The following SMC1B variants were observed in gnomAD, a reference collection of about 807,000 sequenced individuals.
The protein encoded by SMC1B is structural maintenance of chromosomes 1B, also known as structural maintenance of chromosomes protein 1B.
In SMC1B, 60 loss-of-function variants were observed where a neutral mutation model predicts 157.9. The ratio of observed to expected loss-of-function variants is 0.38; its 90% CI spans 0.31 to 0.47. The LOEUF (loss-of-function observed/expected upper bound fraction) is 0.47. Among genes scored for constraint, SMC1B ranks in the 20% least tolerant of loss-of-function variants. The pLI is 0.99. For synonymous variants in SMC1B, 445 were observed against 483.0 expected (o/e 0.92, Z 1.03); for missense variants, 1,165 against 1,426.2 (o/e 0.82, Z 2.95).
chr22:45,351,961 T>C (rs534071095), intron 22 of SMC1B, among the ~76,000 whole-genome samples: 2 of 152,252 alleles, frequency 1.3e-5, no homozygotes, highest in African/African-American at 2.4e-5. Context: ...ATCTTGACTA[T>C]TGACTAAGAA....
At chr22:45,403,714 C>A (rs1200131401) in intron 4 of SMC1B, among the ~76,000 whole-genome samples, 1 of 152,162 alleles carries the variant, frequency 6.6e-6, no homozygotes, top group Non-Finnish European at 1.5e-5. Context: ...CCACCTTGGC[C>A]TCCCAAAGTA....
chr22:45,387,440 A>T (rs2087001677), intron 10 of SMC1B, among the ~76,000 whole-genome samples: 1 of 145,798 alleles, frequency 6.9e-6, no homozygotes, highest in African/African-American at 2.7e-5. Context: ...ACAGAGTGAG[A>T]CTCCGTCTCA....
chr22:45,382,337 A>C (rs1175371756), intron 12 of SMC1B, among the ~76,000 whole-genome samples: 2 of 152,264 alleles, frequency 1.3e-5, no homozygotes, highest in Non-Finnish European at 2.9e-5. Context: ...TCTCAAAAAT[A>C]CTAAGCTAAG....
intron 16 of SMC1B, among the ~76,000 whole-genome samples, chr22:45,362,343 CCTGAAACT>C (rs2086729790): frequency 6.6e-6 from 1 of 152,214 alleles, no homozygotes; most frequent in South Asian, 2.1e-4. Flanking sequence ...TTTCCTCCTT[CCTGAAACT>C]CTGGGGCTTC....
intron 12 of SMC1B, 80 bp from the exon 13 acceptor site, chr22:45,372,372 T>G: frequency 8.0e-7 from 1 of 1,257,612 alleles, no homozygotes; most frequent in Non-Finnish European, 1.1e-6. Flanking sequence ...TATGTAATAA[T>G]TCACTGATTT....
chr22:45,361,784 G>C, intron 17 of SMC1B, 55 bp downstream of exon 17: 1 of 1,515,154 alleles, frequency 6.6e-7, no homozygotes, highest in Non-Finnish European at 9.1e-7. Flanking sequence ...CAGATAGTTG[G>C]TGTCCATGTT....
intron 15 of SMC1B, among the ~76,000 whole-genome samples, chr22:45,364,998 C>T (rs902685885): frequency 1.3e-5 from 2 of 151,922 alleles, no homozygotes; most frequent in African/African-American, 4.8e-5. Flanking sequence ...CCACCACGCC[C>T]GGCTAATTTT....
intron 15 of SMC1B, among the ~76,000 whole-genome samples, chr22:45,364,261 T>C (rs1569179653): frequency 6.6e-6 from 1 of 152,156 alleles, no homozygotes; most frequent in Admixed American, 6.6e-5. Context: ...ATCCTTTCCA[T>C]GCTCACCCTG....
rs1353068447 is a variant in SMC1B at position 45,393,817 on chromosome 22, C to T, written c.1362G>A (p.Gln454=). The T allele has an allele frequency of 2.8e-5, 45 of 1,610,562 alleles. No homozygotes were observed. Among genetic ancestry groups the T allele is most frequent in the Non-Finnish European group, 3.6e-5 (42 of 1,178,224 alleles). The change falls in exon 9 of 25, where the codon CAG becomes CAA. Residue 454 remains glutamine (Q), a synonymous_variant. Transcript: ENST00000357450. ...TCMDCLKEKK[Q]QEETLVDEIE... ...TTTCATCCACTAGGGTTTCCTCTTG[C>T]TGTTTTTTCTCTTTCAAGCAATCCC...
At chr22:45,388,489 G>A (rs1246037623) in intron 10 of SMC1B, among the ~76,000 whole-genome samples, 1 of 152,154 alleles carries the variant, frequency 6.6e-6, no homozygotes, top group African/African-American at 2.4e-5. Flanking sequence ...GAGTTTTAGT[G>A]AGCAGAAGGT....
chr22:45,388,999 A>AAAAAG (rs1555930068), intron 10 of SMC1B, among the ~76,000 whole-genome samples: 1 of 150,368 alleles, frequency 6.7e-6, no homozygotes, highest in African/African-American at 2.5e-5. Context: ...AAAAAAAAAA[A>AAAAAG]AAAAAGAAAA....
intron 23 of SMC1B, 67 bp from the exon 24 acceptor site, chr22:45,345,636 A>G: frequency 1.1e-6 from 1 of 937,856 alleles, no homozygotes. Context: ...GGAGACAGTA[A>G]TTCTGCATGT....
intron 15 of SMC1B, among the ~76,000 whole-genome samples, chr22:45,368,324 A>T (rs915065331): frequency 6.6e-6 from 1 of 152,076 alleles, no homozygotes; most frequent in African/African-American, 2.4e-5. Flanking sequence ...TTCTGATATA[A>T]AGCCCACTAG....
chr22:45,374,471 A>G (rs2086866087), intron 12 of SMC1B, among the ~76,000 whole-genome samples: 1 of 152,172 alleles, frequency 6.6e-6, no homozygotes, highest in African/African-American at 2.4e-5. Flanking sequence ...GGAAAACTGG[A>G]GAGAGAAATA....
intron 20 of SMC1B, 97 bp downstream of exon 20, chr22:45,354,862 A>C: frequency 1.7e-6 from 2 of 1,152,038 alleles, no homozygotes; most frequent in Non-Finnish European, 2.5e-6. Flanking sequence ...AAAAATCTAT[A>C]ACAAAAAGGG....
At chr22:45,405,167 T>C (rs1253815057) in intron 4 of SMC1B, among the ~76,000 whole-genome samples, 3 of 152,002 alleles carry the variant, frequency 2.0e-5, no homozygotes, top group African/African-American at 7.2e-5. Flanking sequence ...AGAAAGGAGT[T>C]TGGTGTGTTC....
At chr22:45,393,949 A>AT in intron 8 of SMC1B, 108 bp from the exon 9 acceptor site, 3 of 710,786 alleles carry the variant, frequency 4.2e-6, no homozygotes, top group Non-Finnish European at 6.8e-6. Context: ...GCAGTGCTCT[A>AT]TCAATTTTTA....
intron 15 of SMC1B, among the ~76,000 whole-genome samples, chr22:45,368,938 G>A (rs1438812098): frequency 1.3e-5 from 2 of 152,162 alleles, no homozygotes; most frequent in African/African-American, 4.8e-5. Flanking sequence ...ATTTGGCAAT[G>A]GGGTGGGTAG....
intron 12 of SMC1B, among the ~76,000 whole-genome samples, chr22:45,379,144 G>A (rs566427837): frequency 6.6e-5 from 10 of 152,228 alleles, no homozygotes; most frequent in Admixed American, 3.9e-4. Flanking sequence ...ACCAAGCCCA[G>A]CTAATTTTTG....
Sources: gnomAD v4.1 joint callset for allele counts (sites outside exome capture counted in the v4.1 genomes callset) on GRCh38, gnomAD v4.1.1 for gene constraint, MANE v1.5 for transcripts, NCBI Gene and HGNC (gene_info 2026-07-23, HGNC 2026-07-21) for gene names.